The following KIAA0825 variants were observed in gnomAD, a reference collection of about 807,000 sequenced individuals.
The protein encoded by KIAA0825 is uncharacterized protein KIAA0825.
A neutral mutation model predicts 147.6 loss-of-function variants in KIAA0825; 119 were observed. The observed-to-expected ratio is 0.81, with a 90% CI of 0.69 to 0.94. The LOEUF (loss-of-function observed/expected upper bound fraction) is 0.94, where lower values mean the gene tolerates loss of function less well. Among genes scored for constraint, KIAA0825 ranks in the 40% least tolerant of loss-of-function variants. The pLI, the probability that KIAA0825 is intolerant of heterozygous loss-of-function variation, is 0.00. For missense variants in KIAA0825, 1,381 were observed against 1,472.7 expected (o/e 0.94, Z 1.02); for synonymous variants, 470 against 518.1 (o/e 0.91, Z 1.26).
chr5:94,535,482 C>G (rs1019358759), intron 3 of KIAA0825, among the ~76,000 whole-genome samples: 2 of 134,870 alleles, frequency 1.5e-5, no homozygotes, highest in Admixed American at 7.8e-5. Flanking sequence ...TGTACTCCAG[C>G]CTGGGTGACT....
At chr5:94,605,982 C>T (rs145627731) in intron 1 of KIAA0825, among the ~76,000 whole-genome samples, 411 of 152,268 alleles carry the variant, frequency 2.7e-3, no homozygotes, top group African/African-American at 9.3e-3. Flanking sequence ...TATCTGTTTG[C>T]GGATGACATG....
rs1762875102 is a variant in KIAA0825 at position 94,484,939 on chromosome 5, A to G, written c.971-9T>C. 13 of 1,470,718 alleles carry G rather than the reference A, an allele frequency of 8.8e-6. No homozygotes were observed. In the East Asian group the frequency reaches 3.3e-4, roughly 37 times the overall value. 91.1% of individuals were successfully genotyped at this position (1,470,718 alleles called of 1,614,324 possible). ...TGGGCATTCAGTAGTAACTGTGAAA[A>G]GAAAAGATCAATACTGTCATACATT... On this transcript the variant is annotated splice_polypyrimidine_tract_variant and intron_variant, in intron 5 of 20. Transcript: ENST00000682413.
intron 20 of KIAA0825, among the ~76,000 whole-genome samples, chr5:94,274,589 A>G (rs1456131529): frequency 2.0e-5 from 3 of 152,172 alleles, no homozygotes; most frequent in East Asian, 1.9e-4. Flanking sequence ...CTGATCAGGT[A>G]TGGTTCTTTT....
chr5:94,555,268 T>TA (rs1776335756), intron 2 of KIAA0825, among the ~76,000 whole-genome samples: 1 of 152,152 alleles, frequency 6.6e-6, no homozygotes, highest in Admixed American at 6.5e-5. Flanking sequence ...AATTTGTTGA[T>TA]AGTCATTTAA....
chr5:94,291,771 A>G (rs1777907197), intron 20 of KIAA0825, among the ~76,000 whole-genome samples: 2 of 151,974 alleles, frequency 1.3e-5, no homozygotes, highest in African/African-American at 2.4e-5. Flanking sequence ...ATTTGTTTGT[A>G]TCCTCTATTA....
intron 12 of KIAA0825, among the ~76,000 whole-genome samples, chr5:94,456,779 G>A (rs1424439322): frequency 1.3e-5 from 2 of 152,120 alleles, no homozygotes; most frequent in African/African-American, 4.8e-5. Context: ...ATCATTATGA[G>A]ATAACAACAG....
chr5:94,482,235 A>T (rs1296670631), intron 6 of KIAA0825, among the ~76,000 whole-genome samples: 1 of 152,090 alleles, frequency 6.6e-6, no homozygotes, highest in Non-Finnish European at 1.5e-5. Flanking sequence ...AGTCTACAAT[A>T]TAATAGTAAA....
chr5:94,556,905 A>C (rs1016102926), intron 2 of KIAA0825, among the ~76,000 whole-genome samples: 2 of 152,166 alleles, frequency 1.3e-5, no homozygotes, highest in Non-Finnish European at 2.9e-5. Context: ...AATATTTTTC[A>C]GTTCCTATCA....
chr5:94,213,527 T>C (rs937054255), intron 20 of KIAA0825, among the ~76,000 whole-genome samples: 3 of 152,126 alleles, frequency 2.0e-5, no homozygotes, highest in Non-Finnish European at 4.4e-5. Flanking sequence ...CATATATTTA[T>C]CCTCAGGTTA....
chr5:94,343,185 A>G (rs1486218284), intron 20 of KIAA0825, among the ~76,000 whole-genome samples: 1 of 152,214 alleles, frequency 6.6e-6, no homozygotes, highest in East Asian at 1.9e-4. Context: ...AAATTCATCT[A>G]TACATATAAT....
At position 94,519,794 on chromosome 5, in the gene KIAA0825, A is replaced by G. The variant is rs1036645567; in HGVS notation, c.970+454T>C. On this transcript the variant is annotated intron_variant, in intron 5 of 20. Transcript: ENST00000682413. ...ATAATGCTTTAGCTTTGGAAGATAC[A>G]ATGGATTAAAAATCATACTTTTCTG... 6 of 815,402 alleles carry G rather than the reference A, an allele frequency of 7.4e-6. No individual in the cohort carries two copies. In the East Asian group the frequency reaches 6.2e-4, roughly 85 times the overall value. The allele number at this position is 815,402 out of a possible 1,614,324, so 50.5% of individuals were successfully genotyped here. A position where few individuals can be genotyped will look rare whatever the true frequency, so the allele number is the denominator to read the frequency against.
intron 1 of KIAA0825, among the ~76,000 whole-genome samples, chr5:94,587,488 G>T (rs1783531055): frequency 6.6e-6 from 1 of 152,120 alleles, no homozygotes; most frequent in Admixed American, 6.5e-5. Flanking sequence ...GCTTACAAGG[G>T]ATGTGAAGGA....
At chr5:94,392,091 G>C (rs942402575) in intron 17 of KIAA0825, among the ~76,000 whole-genome samples, 4 of 152,106 alleles carry the variant, frequency 2.6e-5, no homozygotes, top group African/African-American at 7.2e-5. Context: ...GCCTGAAATA[G>C]CTTTGGTATT....
intron 18 of KIAA0825, among the ~76,000 whole-genome samples, chr5:94,388,623 C>T (rs1749499087): frequency 6.6e-6 from 1 of 152,214 alleles, no homozygotes; most frequent in South Asian, 2.1e-4. Flanking sequence ...TACGTAACTA[C>T]ATTTTGACTG....
chr5:94,223,119 A>G (rs147624982), intron 20 of KIAA0825, among the ~76,000 whole-genome samples: 100 of 152,284 alleles, frequency 6.6e-4, no homozygotes, highest in African/African-American at 1.9e-3. Flanking sequence ...ACCTCTTCCA[A>G]AAAATTACAT....
chr5:94,205,286 TA>T (rs1772067596), intron 20 of KIAA0825, among the ~76,000 whole-genome samples: 2 of 141,604 alleles, frequency 1.4e-5, no homozygotes, highest in African/African-American at 5.3e-5. Flanking sequence ...TATATATATA[TA>T]TATATATATA....
intron 2 of KIAA0825, among the ~76,000 whole-genome samples, chr5:94,564,178 G>C (rs1014958298): frequency 4.1e-5 from 6 of 146,124 alleles, no homozygotes. Flanking sequence ...CACAACTCAG[G>C]TTCCTTTACC....
intron 5 of KIAA0825, among the ~76,000 whole-genome samples, chr5:94,496,833 G>A (rs1024041625): frequency 6.6e-6 from 1 of 152,014 alleles, no homozygotes; most frequent in African/African-American, 2.4e-5. Flanking sequence ...TAGCAGGGAG[G>A]GTATTAAATG....
chr5:94,423,979 T>C (rs1328936527), intron 14 of KIAA0825, among the ~76,000 whole-genome samples: 1 of 152,136 alleles, frequency 6.6e-6, no homozygotes, highest in Non-Finnish European at 1.5e-5. Flanking sequence ...TATAAAAGGC[T>C]AATAATATAT....
Sources: gnomAD v4.1 joint callset for allele counts (sites outside exome capture counted in the v4.1 genomes callset) on GRCh38, gnomAD v4.1.1 for gene constraint, MANE v1.5 for transcripts, NCBI Gene and HGNC (gene_info 2026-07-23, HGNC 2026-07-21) for gene names.